Variants in IRGM observed in about 807,000 individuals in gnomAD.
IRGM encodes immunity-related GTPase family M protein.
For missense variants in IRGM, 288 were observed against 219.9 expected (o/e 1.31, Z -1.96); for synonymous variants, 98 against 80.6 (o/e 1.22, Z -1.16).
At position 150,848,402 on chromosome 5, in the gene IRGM, C is replaced by T; in HGVS notation, c.279C>T (p.Gly93=). The change falls in exon 2 of 2, where the codon GGC becomes GGT. Residue 93 remains glycine (G), a synonymous_variant. Transcript: ENST00000522154. ...ATGTGGTGTTGTGGGACCTGCCTGG[C>T]ACAGGGTCTGCCACCACAACCCTGG... The part of the protein sequence containing the change: ...FSNVVLWDLP[G]TGSATTTLEN... 1 of 1,551,854 alleles carries T rather than the reference C, an allele frequency of 6.4e-7. No individual in the cohort carries two copies. Among genetic ancestry groups the T allele is most frequent in the South Asian group, 1.2e-5 (1 of 84,066 alleles).
intron 3 of IRGM, chr5:150,895,995 CCA>C (rs760116918): frequency 6.2e-7 from 1 of 1,613,486 alleles, no homozygotes; most frequent in South Asian, 1.1e-5. Flanking sequence ...GAAGGCTTTC[CCA>C]CATTCGGTAC....
rs1356574835 is a variant in IRGM at position 150,848,659 on chromosome 5, G to A, written c.536G>A (p.Cys179Tyr). ...GAAAATCTCCAGAAGGAGCGGGTAT[G>A]TGAATACTAATTCCTGTCTTCATTA... ...VLENLQKERVCEY is the reference protein window; with the variant it reads ...VLENLQKERVYEY The change falls in exon 2 of 2, where the codon TGT (cysteine) becomes TAT (tyrosine). Residue 179 changes from cysteine to tyrosine, a missense_variant. Coordinates refer to ENST00000522154, the MANE Select transcript of IRGM (RefSeq NM_001145805.2). 1.3e-6 allele frequency: 2 copies of A among 1,527,528 alleles called. No individual in the cohort carries two copies. Among genetic ancestry groups the A allele is most frequent in the African/African-American group, 1.4e-5 (1 of 72,158 alleles). The allele number at this position is 1,527,528 out of a possible 1,614,324, so 94.6% of individuals were successfully genotyped here. A position where few individuals can be genotyped will look rare whatever the true frequency, so the allele number is the denominator to read the frequency against.
At chr5:150,849,603 CTCT>C (rs1753943128), downstream of IRGM, among the ~76,000 whole-genome samples, 1 of 140,774 alleles carries the variant, frequency 7.1e-6, no homozygotes, top group Non-Finnish European at 1.5e-5. Context: ...TTCTTTTTCT[CTCT>C]TTTTTTTTTT....
At chr5:150,898,464 C>T in intron 3 of IRGM, 2 of 1,613,466 alleles carry the variant, frequency 1.2e-6, no homozygotes, top group African/African-American at 1.3e-5. Flanking sequence ...TCCAGCATCA[C>T]ATCCCTGTAC....
chr5:150,897,108 C>T, intron 3 of IRGM: 1 of 649,800 alleles, frequency 1.5e-6, no homozygotes, highest in Non-Finnish European at 2.6e-6. Context: ...TCTCAGAAGA[C>T]AGTACAGCAT....
intron 1 of IRGM, among the ~76,000 whole-genome samples, chr5:150,859,821 CTTCT>C (rs1294832944): frequency 2.6e-5 from 4 of 151,958 alleles, no homozygotes; most frequent in African/African-American, 9.7e-5. Flanking sequence ...TCTCTCTTTT[CTTCT>C]TTATTAGTCT....
intron 1 of IRGM, among the ~76,000 whole-genome samples, chr5:150,863,885 T>A (rs1484190850): frequency 6.6e-6 from 1 of 152,204 alleles, no homozygotes; most frequent in African/African-American, 2.4e-5. Context: ...AGGGTCTTCC[T>A]GTTTAAGAGA....
At chr5:150,880,173 C>T (rs1457061390) in intron 3 of IRGM, among the ~76,000 whole-genome samples, 1 of 152,146 alleles carries the variant, frequency 6.6e-6, no homozygotes, top group African/African-American at 2.4e-5. Context: ...AAGCTTAGAA[C>T]ATTCAGTCAA....
intron 1 of IRGM, among the ~76,000 whole-genome samples, chr5:150,875,210 G>T (rs1327488547): frequency 6.6e-6 from 1 of 152,182 alleles, no homozygotes; most frequent in Non-Finnish European, 1.5e-5. Flanking sequence ...GTTCACAGAT[G>T]GTTCTGCATG....
At chr5:150,870,696 C>G (rs1020164615) in intron 1 of IRGM, among the ~76,000 whole-genome samples, 2 of 151,922 alleles carry the variant, frequency 1.3e-5, no homozygotes, top group Non-Finnish European at 2.9e-5. Context: ...AGACCCATTC[C>G]TAGGTAGGTA....
rs746204617 is a variant in IRGM at position 150,875,543 on chromosome 5, C to T, written c.159-2437C>T. ...TGTATCCCATGTGATTGTTCACCAA[C>T]GGGCCACCTCAGCAGAGGAGGATTT... On this transcript the variant is annotated intron_variant and NMD_transcript_variant, in intron 1 of 3. Transcript: ENST00000520549. 8.5e-5 allele frequency among the ~76,000 whole-genome samples: 13 copies of T among 152,160 alleles called. No homozygotes were observed. The East Asian group carries it at 1.2e-3, about 14-fold the overall frequency.
Position 150,848,195 on chromosome 5 carries a change from G to C in IRGM, c.72G>C (p.Glu24Asp). ...NLPEVISNIK[E>D]TLKIVSRTPV... The stretch of plus-strand genomic sequence containing the variant: ...CAGAGGTGATCTCTAACATCAAGGA[G>C]ACTCTGAAGATAGTGTCCAGGACAC... The change falls in exon 2 of 2, where the codon GAG becomes GAC. Residue 24 changes from glutamate to aspartate, a missense_variant. Transcript: ENST00000522154. 4 of 1,551,710 alleles carry C rather than the reference G, an allele frequency of 2.6e-6. No individual in the cohort carries two copies. Among genetic ancestry groups the C allele is most frequent in the Non-Finnish European group, 3.5e-6 (4 of 1,146,884 alleles).
At chr5:150,886,320 AT>A (rs1169107796) in intron 3 of IRGM, among the ~76,000 whole-genome samples, 1 of 151,740 alleles carries the variant, frequency 6.6e-6, no homozygotes, top group African/African-American at 2.4e-5. Context: ...TTTGTTGAGG[AT>A]TTTTGCATCA....
intron 1 of IRGM, among the ~76,000 whole-genome samples, chr5:150,865,701 C>G (rs1754198234): frequency 6.6e-6 from 1 of 152,300 alleles, no homozygotes; most frequent in South Asian, 2.1e-4. Context: ...AAACACGCCT[C>G]TCCACATTTC....
At chr5:150,856,890 T>G (rs1754061451) in intron 1 of IRGM, among the ~76,000 whole-genome samples, 1 of 137,108 alleles carries the variant, frequency 7.3e-6, no homozygotes, top group Admixed American at 7.2e-5. Context: ...TATTATTAAT[T>G]AAATATTATT....
At chr5:150,860,294 A>G (rs1288588738) in intron 1 of IRGM, among the ~76,000 whole-genome samples, 2 of 152,202 alleles carry the variant, frequency 1.3e-5, no homozygotes, top group African/African-American at 4.8e-5. Context: ...TACAAGGAAA[A>G]TTAATGCTCA....
At chr5:150,876,420 C>T (rs982028200) in intron 1 of IRGM, among the ~76,000 whole-genome samples, 16 of 152,182 alleles carry the variant, frequency 1.1e-4, no homozygotes, top group African/African-American at 3.9e-4. Flanking sequence ...ATGCTGCCAA[C>T]AGGGGAAACA....
intron 3 of IRGM, chr5:150,896,767 C>T (rs1487747039): frequency 6.2e-7 from 1 of 1,613,788 alleles, no homozygotes; most frequent in South Asian, 1.1e-5. Context: ...CCTGATGCCT[C>T]AGTCACTGTT....
Position 150,890,093 on chromosome 5 carries a change from T to C in IRGM, c.*140+10447T>C, listed in dbSNP as rs150875626. On this transcript the variant is annotated intron_variant and NMD_transcript_variant, in intron 3 of 3. Coordinates refer to the IRGM transcript ENST00000520549. ...AAAAGCTTGTATAGAATTTGAATTGTTGCCTCTTTAAATATTGTTTGGTTT... is the reference window on the plus strand; with the variant it reads ...AAAAGCTTGTATAGAATTTGAATTGCTGCCTCTTTAAATATTGTTTGGTTT... Among the ~76,000 whole-genome samples the C allele has an allele frequency of 7.0e-3, 1,070 of 152,206 alleles. 10 individuals are homozygous for C. Among genetic ancestry groups the C allele is most frequent in the East Asian group, 0.021 (109 of 5,180 alleles).
Sources: allele counts gnomAD v4.1 joint callset (sites outside exome capture counted in the v4.1 genomes callset), GRCh38; gene constraint gnomAD v4.1.1; transcripts MANE v1.5; gene names NCBI Gene and HGNC (gene_info 2026-07-23, HGNC 2026-07-21).